Variants in POLR2B observed in about 807,000 individuals in gnomAD.
The protein encoded by POLR2B is RNA polymerase II subunit B, also known as DNA-directed RNA polymerase II subunit RPB2.
Under a neutral mutation model 144.6 loss-of-function variants are expected in POLR2B, and 57 were observed. That is an observed-to-expected ratio of 0.39 (90% CI 0.32 to 0.49). The LOEUF (loss-of-function observed/expected upper bound fraction) is 0.49. POLR2B is among the 20% of genes least tolerant of loss of function. POLR2B has a pLI of 0.83. For missense variants in POLR2B, 595 were observed against 1,467.4 expected, an observed-to-expected ratio of 0.41 and a Z score of 9.71; for synonymous variants, 442 against 469.8, an observed-to-expected ratio of 0.94 and a Z score of 0.77.
In POLR2B at chr4:57,027,210, T is replaced by C. The variant is rs1010939446; in HGVS notation, c.3239+1673T>C. On this transcript the variant is annotated intron_variant, in intron 23 of 24. Coordinates refer to ENST00000314595, the MANE Select transcript of POLR2B (RefSeq NM_000938.3). ...TTTTTGTAGAGCCAGGGTTTCACCATTTTGCCCAGGCTGGTCTCAAATGGT... is the reference window on the plus strand; with the variant it reads ...TTTTTGTAGAGCCAGGGTTTCACCACTTTGCCCAGGCTGGTCTCAAATGGT... 5.3e-5 allele frequency among the ~76,000 whole-genome samples: 8 copies of C among 152,076 alleles called. No homozygotes were observed. The South Asian group carries it at 6.2e-4, about 12-fold the overall frequency.
At chr4:57,000,018 A>G (rs1578569376) in intron 7 of POLR2B, among the ~76,000 whole-genome samples, 1 of 152,248 alleles carries the variant, frequency 6.6e-6, no homozygotes, top group East Asian at 1.9e-4. Flanking sequence ...AGCAGCAAGA[A>G]GAAACATTGG....
chr4:57,004,377 C>A (rs1404520499), intron 7 of POLR2B, among the ~76,000 whole-genome samples: 1 of 137,694 alleles, frequency 7.3e-6, no homozygotes, highest in Non-Finnish European at 1.6e-5. Flanking sequence ...TTTTTACATC[C>A]AGGGTACACG....
At chr4:57,026,418 C>A (rs897768921) in intron 23 of POLR2B, among the ~76,000 whole-genome samples, 1 of 152,072 alleles carries the variant, frequency 6.6e-6, no homozygotes, top group Non-Finnish European at 1.5e-5. Flanking sequence ...CATATAATTT[C>A]TCCTATAAAT....
At chr4:57,025,632 G>A (rs1723692266) in intron 23 of POLR2B, 95 bp downstream of exon 23, 3 of 765,998 alleles carry the variant, frequency 3.9e-6, no homozygotes, top group Non-Finnish European at 6.5e-6. Flanking sequence ...GTGAATGCCT[G>A]TGTGCCTGTT....
chr4:57,019,964 T>A (rs1442782501), intron 16 of POLR2B, among the ~76,000 whole-genome samples: 2 of 152,184 alleles, frequency 1.3e-5, no homozygotes, highest in Non-Finnish European at 2.9e-5. Context: ...AAAGTTATTT[T>A]TGCATTGTGT....
chr4:57,028,991 G>C (rs1223295158), intron 23 of POLR2B, among the ~76,000 whole-genome samples: 2 of 151,848 alleles, frequency 1.3e-5, no homozygotes, highest in Non-Finnish European at 2.9e-5. Flanking sequence ...TAATTTGTTT[G>C]TTGAACAACC....
chr4:57,018,172 G>C (rs10023009), intron 16 of POLR2B, among the ~76,000 whole-genome samples: 10,881 of 152,190 alleles, frequency 0.071, 437 homozygotes, highest in African/African-American at 0.078. Context: ...AGCTTGAACA[G>C]GTTGAATTTT....
At position 56,994,411 on chromosome 4, in the gene POLR2B, A is replaced by G. The variant is rs146360510; in HGVS notation, c.251A>G (p.Tyr84Cys). ...TTTTTTGTTTAATTTCAGCCACGAT[A>G]TTTGCTGAAGTTTGAACAAATTTAT... ...ASGEVEEPPRYLLKFEQIYLS... is the reference protein window; with the variant it reads ...ASGEVEEPPRCLLKFEQIYLS... The change falls in exon 4 of 25, where the codon TAT (tyrosine) becomes TGT (cysteine). Residue 84 changes from tyrosine to cysteine, a missense_variant. Physicochemically the swap from Tyr to Cys is radical, Grantham distance 194. This residue lies in a region of POLR2B where 251 missense variants were observed against 567.3 expected (regional missense o/e 0.44). Coordinates refer to ENST00000314595, the MANE Select transcript of POLR2B (RefSeq NM_000938.3). 401 of 1,566,712 alleles carry G rather than the reference A, an allele frequency of 2.6e-4. No homozygotes were observed. The highest frequency in any genetic ancestry group is 3.2e-4 in the Non-Finnish European group (367 of 1,140,200).
chr4:57,014,043 G>C (rs1723285726), intron 13 of POLR2B, among the ~76,000 whole-genome samples: 1 of 151,832 alleles, frequency 6.6e-6, no homozygotes, highest in African/African-American at 2.4e-5. Flanking sequence ...TTTGAAAGAA[G>C]AATCTTTCTT....
chr4:56,988,235 G>C (rs1225786784), intron 2 of POLR2B, among the ~76,000 whole-genome samples: 1 of 152,042 alleles, frequency 6.6e-6, no homozygotes, highest in Non-Finnish European at 1.5e-5. Flanking sequence ...CCCTGAAACA[G>C]CCCAAGAAGC....
At chr4:57,024,832 T>C in intron 21 of POLR2B, 54 bp from the exon 22 acceptor site, 1 of 864,470 alleles carries the variant, frequency 1.2e-6, no homozygotes, top group South Asian at 1.5e-5. Context: ...GATATGACTT[T>C]TAGGGGGAGA....
chr4:56,988,666 C>T (rs148021562), intron 2 of POLR2B, among the ~76,000 whole-genome samples: 1 of 152,224 alleles, frequency 6.6e-6, no homozygotes, highest in East Asian at 1.9e-4. Flanking sequence ...GTCCTGGAGC[C>T]ATTTAAGAGT....
At chr4:56,979,648 G>A (rs1171987936) in intron 1 of POLR2B, among the ~76,000 whole-genome samples, 1 of 152,110 alleles carries the variant, frequency 6.6e-6, no homozygotes, top group Non-Finnish European at 1.5e-5. Flanking sequence ...GTGGCCGAGC[G>A]CGGTGGCTCC....
intron 5 of POLR2B, 21 bp downstream of exon 5, chr4:56,994,887 A>C: frequency 7.6e-7 from 1 of 1,316,866 alleles, no homozygotes; most frequent in South Asian, 1.3e-5. Context: ...ATTATTTTAA[A>C]AAATTACAAA....
Position 57,015,545 on chromosome 4 carries a change from A to G in POLR2B, c.1844A>G (p.Tyr615Cys). The G allele has an allele frequency of 4.0e-6, 6 of 1,488,930 alleles. No individual in the cohort carries two copies. The highest frequency in any genetic ancestry group is 5.4e-6 in the Non-Finnish European group (6 of 1,105,608). The allele number at this position is 1,488,930 out of a possible 1,614,324, so 92.2% of individuals were successfully genotyped here. A position where few individuals can be genotyped will look rare whatever the true frequency, so the allele number is the denominator to read the frequency against. The change falls in exon 14 of 25, where the codon TAT becomes TGT. Residue 615 changes from tyrosine (Y) to cysteine (C), a missense_variant. By Grantham distance (194) the Tyr-to-Cys change is radical. Around this residue, in one of 9 missense-constraint regions of POLR2B, gnomAD observed 59 missense variants for 84.2 expected, o/e 0.70. Coordinates refer to ENST00000314595, the MANE Select transcript of POLR2B (RefSeq NM_000938.3). ...ATTCGAGAGAGGGAGATTCGGATCT[A>G]TACGGATGCAGGCCGTATTTGTAGA... ...RDIREREIRI[Y>C]TDAGRICRPL...
At chr4:56,984,556 C>A (rs1722259435) in intron 1 of POLR2B, among the ~76,000 whole-genome samples, 1 of 152,142 alleles carries the variant, frequency 6.6e-6, no homozygotes, top group South Asian at 2.1e-4. Flanking sequence ...CCTTTTTCCA[C>A]CATCTTACTT....
chr4:57,026,623 C>T (rs548449962), intron 23 of POLR2B, among the ~76,000 whole-genome samples: 6 of 151,944 alleles, frequency 3.9e-5, no homozygotes, highest in South Asian at 2.1e-4. Context: ...TTTGGCTGGG[C>T]GTGGTGGCTC....
At chr4:57,003,672 G>T (rs1246687131) in intron 7 of POLR2B, among the ~76,000 whole-genome samples, 1 of 151,764 alleles carries the variant, frequency 6.6e-6, no homozygotes, top group Non-Finnish European at 1.5e-5. Flanking sequence ...GGGAAACTCT[G>T]TCTCTACAAA....
In POLR2B at chr4:56,999,724, C is replaced by T. The variant is rs1432452422; in HGVS notation, c.843C>T (p.Asp281=). The part of the protein sequence containing the change: ...IVFRALGFVS[D]RDILEHIIYD... ...TCAGAGCATTAGGTTTTGTGTCCGA[C>T]AGAGATATTTTAGAACATATTATTT... Residue 281 remains aspartate, a synonymous_variant, in exon 7 of 25, where the codon GAC becomes GAT. Transcript: ENST00000314595. 6.2e-7 allele frequency: 1 copy of T among 1,611,112 alleles called. No homozygotes were observed. The highest frequency in any genetic ancestry group is 8.5e-7 in the Non-Finnish European group (1 of 1,177,556).
Sources: allele counts gnomAD v4.1 joint callset (sites outside exome capture counted in the v4.1 genomes callset), GRCh38; gene constraint gnomAD v4.1.1; regional missense constraint gnomAD v4.1.1; transcripts MANE v1.5; gene names NCBI Gene and HGNC (gene_info 2026-07-23, HGNC 2026-07-21).